The following COMTD1 variants were observed in gnomAD, a reference collection of about 807,000 sequenced individuals.
The protein encoded by COMTD1 is catechol O-methyltransferase domain-containing protein 1.
In COMTD1, 35 loss-of-function variants were observed where a neutral mutation model predicts 33.6. The observed-to-expected ratio is 1.04, with a 90% CI of 0.80 to 1.38. The LOEUF (loss-of-function observed/expected upper bound fraction) is 1.38. COMTD1 is among the 40% of genes most tolerant of loss of function. The pLI, the probability that COMTD1 is intolerant of heterozygous loss-of-function variation, is 0.00. For missense variants in COMTD1, 370 were observed against 363.4 expected (o/e 1.02, Z -0.15); for synonymous variants, 160 against 176.8 (o/e 0.91, Z 0.75).
chr10:75,235,797 G>GGCCCCCCCCC, intron 1 of COMTD1, 38 bp downstream of exon 1: 1 of 1,538,662 alleles, frequency 6.5e-7, no homozygotes, highest in Non-Finnish European at 8.8e-7. Context: ...CCTACTCTGC[G>GGCCCCCCCCC]CCCGCCCACC....
In COMTD1 at chr10:75,235,729, G is replaced by T; in HGVS notation, c.109C>A (p.Pro37Thr). ...CACTGCTCTCGCCGGCCTCGCCATGGGGGGCACCGCCTCCCTGACGGGGAG... is the reference window on the plus strand; with the variant it reads ...CACTGCTCTCGCCGGCCTCGCCATGTGGGGCACCGCCTCCCTGACGGGGAG... ...TGLFLGRRCP[P>T]WRGRREQCLL... Residue 37 changes from proline (P) to threonine (T), a missense_variant, in exon 2 of 7, where the codon CCA becomes ACA. Coordinates refer to ENST00000372538, the MANE Select transcript of COMTD1 (RefSeq NM_144589.4). 6.2e-7 allele frequency: 1 copy of T among 1,602,010 alleles called. No homozygotes were observed. The highest frequency in any genetic ancestry group is 1.1e-5 in the South Asian group (1 of 89,280).
At chr10:75,235,796 C>T (rs748047355) in intron 1 of COMTD1, 39 bp downstream of exon 1, 2 of 1,539,882 alleles carry the variant, frequency 1.3e-6, no homozygotes, top group South Asian at 1.2e-5. Context: ...CCCTACTCTG[C>T]GCCCGCCCAC....
At chr10:75,234,275 G>C (rs759945347) in intron 6 of COMTD1, 50 bp from the exon 7 acceptor site, 1 of 1,564,534 alleles carries the variant, frequency 6.4e-7, no homozygotes, top group Non-Finnish European at 8.6e-7. Flanking sequence ...GCTTCGGAGG[G>C]AGGTGCTCGG....
At position 75,235,061 on chromosome 10, in the gene COMTD1, T is replaced by C; in HGVS notation, c.446A>G (p.Gln149Arg). The C allele has an allele frequency of 6.9e-7, 1 of 1,440,148 alleles. No individual in the cohort carries two copies. The allele number at this position is 1,440,148 out of a possible 1,614,324, so 89.2% of individuals were successfully genotyped here. ...PPELGRPLWR[Q>R]AEAEHKIDLR... ...GCAGAGCTAGGCGCGGGCGCTCACC[T>C]GCCTCCACAGGGGCCGTCCCAGCTC... The change falls in exon 4 of 7, where the codon CAG becomes CGG. Residue 149 changes from glutamine (Q) to arginine (R), a missense_variant and splice_region_variant. Gln to Arg is a conservative substitution (Grantham distance 43, BLOSUM62 1). Coordinates refer to ENST00000372538, the MANE Select transcript of COMTD1 (RefSeq NM_144589.4).
intron 2 of COMTD1, 105 bp downstream of exon 2, chr10:75,235,511 A>G: frequency 7.2e-7 from 1 of 1,393,860 alleles, no homozygotes; most frequent in South Asian, 1.5e-5. Flanking sequence ...GGCCCAGGGA[A>G]GCCGGAAGCC....
In COMTD1 at chr10:75,234,165, GCA is replaced by G; in HGVS notation, c.695_696del (p.Val232AlafsTer68). 6.2e-7 allele frequency: 1 copy of G among 1,613,608 alleles called. No homozygotes were observed. Among genetic ancestry groups the G allele is most frequent in the Non-Finnish European group, 8.5e-7 (1 of 1,180,028 alleles). On this transcript the variant is annotated frameshift_variant, in exon 7 of 7. Coordinates refer to ENST00000372538, the MANE Select transcript of COMTD1 (RefSeq NM_144589.4). LOFTEE classifies it high-confidence loss of function. ...CGCCGGATGCGTTCGTTTAGGTTTC[GCA>G]CACACTCGGCCGCCACGTCCCCTTT... ...PPKGDVAAEC[V>X]RNLNERIRRD... is the part of the protein sequence containing the mutation.
rs1340928553 is a variant in COMTD1, at chr10:75,235,093, C to T, written c.414G>A (p.Gln138=). 1.4e-6 allele frequency: 2 copies of T among 1,409,296 alleles called. No homozygotes were observed. The highest frequency in any genetic ancestry group is 5.8e-5 in the East Asian group (2 of 34,570). The allele number at this position is 1,409,296 out of a possible 1,614,324, so 87.3% of individuals were successfully genotyped here. A position where few individuals can be genotyped will look rare whatever the true frequency, so the allele number is the denominator to read the frequency against. The part of the protein sequence containing the change: ...GRVVTCEVDA[Q]PPELGRPLWR... ...ACAGGGGCCGTCCCAGCTCCGGGGG[C>T]TGCGCGTCCACCTCGCAGGTCACCA... Residue 138 remains glutamine, a synonymous_variant, in exon 4 of 7, where the codon CAG becomes CAA. Transcript: ENST00000372538.
chr10:75,235,850 T>A lies in COMTD1; in HGVS notation c.79A>T (p.Thr27Ser). The change falls in exon 1 of 7, where the codon ACT (threonine) becomes TCT (serine). Residue 27 changes from threonine (T) to serine (S), a missense_variant. Physicochemically the swap from Thr to Ser is moderately conservative, Grantham distance 58 (BLOSUM62 1). Coordinates refer to ENST00000372538, the MANE Select transcript of COMTD1 (RefSeq NM_144589.4). ...TCCTGCTCACCCAGGAAGAGGCCAGTGGCGAAGGCGGCGCCCAGTGCGGCT... is the reference window on the plus strand; with the variant it reads ...TCCTGCTCACCCAGGAAGAGGCCAGAGGCGAAGGCGGCGCCCAGTGCGGCT... Reference protein sequence around the residue: ...GSAALGAAFATGLFLGRRCPP... With the variant: ...GSAALGAAFASGLFLGRRCPP... The A allele has an allele frequency of 2.0e-6, 3 of 1,510,278 alleles. No homozygotes were observed. The highest frequency in any genetic ancestry group is 2.6e-6 in the Non-Finnish European group (3 of 1,132,604). The allele number at this position is 1,510,278 out of a possible 1,614,324, so 93.6% of individuals were successfully genotyped here. A position where few individuals can be genotyped will look rare whatever the true frequency, so the allele number is the denominator to read the frequency against.
rs776528379 is a variant in COMTD1, at chr10:75,234,196, A to T, written c.666T>A (p.Pro222=). The change falls in exon 7 of 7, where the codon CCT becomes CCA. Residue 222 remains proline (P), a synonymous_variant. Coordinates refer to ENST00000372538, the MANE Select transcript of COMTD1 (RefSeq NM_144589.4). Reference sequence around the variant, plus strand: ...ACTCGGCCGCCACGTCCCCTTTCGGAGGTTGCAGCACCTTCCCGCGCCACA... The same window carrying T: ...ACTCGGCCGCCACGTCCCCTTTCGGTGGTTGCAGCACCTTCCCGCGCCACA... ...RVLWRGKVLQ[P]PKGDVAAECV... 6.2e-7 allele frequency: 1 copy of T among 1,612,866 alleles called. No homozygotes were observed. Among genetic ancestry groups the T allele is most frequent in the Non-Finnish European group, 8.5e-7 (1 of 1,179,944 alleles).
intron 5 of COMTD1, 48 bp downstream of exon 5, chr10:75,234,890 C>A (rs1842167458): frequency 2.6e-6 from 4 of 1,535,782 alleles, no homozygotes; most frequent in Non-Finnish European, 3.5e-6. Flanking sequence ...ACACAGCAGC[C>A]TCGTTTGCAA....
chr10:75,235,810 C>G (rs373096960), intron 1 of COMTD1, 25 bp downstream of exon 1: 2 of 1,539,504 alleles, frequency 1.3e-6, no homozygotes, highest in Admixed American at 3.9e-5. Context: ...CGCCCACCCG[C>G]CCGCCGGGAC....
chr10:75,234,020 T>C lies in COMTD1; in HGVS notation c.*53A>G. 1 of 1,613,130 alleles carries C rather than the reference T, an allele frequency of 6.2e-7. No individual in the cohort carries two copies. Among genetic ancestry groups the C allele is most frequent in the Admixed American group, 1.7e-5 (1 of 60,010 alleles). On this transcript the variant is annotated 3_prime_UTR_variant, in exon 7 of 7. Coordinates refer to ENST00000372538, the MANE Select transcript of COMTD1 (RefSeq NM_144589.4). ...TTTCGAATTTAAAACTCAGGGTCAATTCCTGGGGTTCCCAGGCAACCCTCC... is the reference window on the plus strand; with the variant it reads ...TTTCGAATTTAAAACTCAGGGTCAACTCCTGGGGTTCCCAGGCAACCCTCC...
At position 75,235,598 on chromosome 10, in the gene COMTD1, G is replaced by A. The variant is rs192698632; in HGVS notation, c.222+18C>T. The A allele has an allele frequency of 2.7e-5, 42 of 1,571,222 alleles. No homozygotes were observed. The East Asian group carries it at 8.4e-4, about 31-fold the overall frequency. ...GGGGTCGAGAGGGACGCCCGTTTCCGTCCCGCGCCCTGCTGACCAGCCTCA... is the reference window on the plus strand; with the variant it reads ...GGGGTCGAGAGGGACGCCCGTTTCCATCCCGCGCCCTGCTGACCAGCCTCA... On this transcript the variant is annotated intron_variant, in intron 2 of 6. Transcript: ENST00000372538.
Position 75,235,687 on chromosome 10 carries a change from C to T in COMTD1, c.151G>A (p.Asp51Asn). Residue 51 changes from aspartate (D) to asparagine (N), a missense_variant, in exon 2 of 7, where the codon GAC becomes AAC. By Grantham distance (23) the Asp-to-Asn change is conservative (BLOSUM62 1). Transcript: ENST00000372538. Reference protein sequence around the residue: ...RREQCLLPPEDSRLWQYLLSR... With the variant: ...RREQCLLPPENSRLWQYLLSR... Reference sequence around the variant, plus strand: ...AGAAGATACTGCCACAGGCGGCTGTCCTCGGGGGGAAGCAGGCACTGCTCT... The same window carrying T: ...AGAAGATACTGCCACAGGCGGCTGTTCTCGGGGGGAAGCAGGCACTGCTCT... 1 of 1,597,472 alleles carries T rather than the reference C, an allele frequency of 6.3e-7. No individual in the cohort carries two copies. The highest frequency in any genetic ancestry group is 1.1e-5 in the South Asian group (1 of 88,594).
In COMTD1 at chr10:75,234,130, C is replaced by T; in HGVS notation, c.732G>A (p.Arg244=). 1 of 1,613,852 alleles carries T rather than the reference C, an allele frequency of 6.2e-7. No individual in the cohort carries two copies. Among genetic ancestry groups the T allele is most frequent in the South Asian group, 1.1e-5 (1 of 91,084 alleles). ...CCAGGGGCAGGAGGCTGATGTAGACCCTGACGTCCCGCCGGATGCGTTCGT... is the reference window on the plus strand; with the variant it reads ...CCAGGGGCAGGAGGCTGATGTAGACTCTGACGTCCCGCCGGATGCGTTCGT... The part of the protein sequence containing the change: ...NLNERIRRDV[R]VYISLLPLGD... Residue 244 remains arginine (R), a synonymous_variant, in exon 7 of 7, where the codon AGG becomes AGA. Coordinates refer to ENST00000372538, the MANE Select transcript of COMTD1 (RefSeq NM_144589.4).
rs568948463 is a variant in COMTD1 at position 75,234,118 on chromosome 10, G to A, written c.744C>T (p.Ser248=). The change falls in exon 7 of 7, where the codon AGC becomes AGT. Residue 248 remains serine (S), a synonymous_variant. Transcript: ENST00000372538. ...TGAGTCCATCGCCCAGGGGCAGGAG[G>A]CTGATGTAGACCCTGACGTCCCGCC... ...RIRRDVRVYI[S]LLPLGDGLTL... is the part of the protein sequence containing the mutation. 6.1e-5 allele frequency: 98 copies of A among 1,613,960 alleles called. No homozygotes were observed. In the South Asian group the frequency reaches 1.0e-3, roughly 17 times the overall value.
intron 4 of COMTD1, 33 bp from the exon 5 acceptor site, chr10:75,235,025 C>A: frequency 1.3e-6 from 2 of 1,487,140 alleles, no homozygotes; most frequent in Non-Finnish European, 1.8e-6. Flanking sequence ...GTTGCGCCCC[C>A]GCCTGGGGCT....
rs1564719922 is a variant in COMTD1 at position 75,234,731 on chromosome 10, G to GC, written c.514dup (p.Ala172GlyfsTer129). The stretch of plus-strand genomic sequence containing the variant: ...GTCGAAGGTGCCGGCCTCGCCCGCC[G>GC]CCAGCAGCTCGTCTTGCGGGGGGAG... On this transcript the variant is annotated frameshift_variant, in exon 6 of 7. Transcript: ENST00000372538. LOFTEE classifies it high-confidence loss of function. 1.3e-6 allele frequency: 2 copies of GC among 1,589,152 alleles called. No individual in the cohort carries two copies.
At position 75,235,752 on chromosome 10, in the gene COMTD1, G is replaced by C. The variant is rs1452450285; in HGVS notation, c.95-9C>G. 1 of 1,596,334 alleles carries C rather than the reference G, an allele frequency of 6.3e-7. No individual in the cohort carries two copies. The highest frequency in any genetic ancestry group is 8.5e-7 in the Non-Finnish European group (1 of 1,173,212). ...TGGGGGGCACCGCCTCCCTGACGGG[G>C]AGAGGGTGTTGGATTAACCTGAGCC... On this transcript the variant is annotated splice_polypyrimidine_tract_variant and intron_variant, in intron 1 of 6. Transcript: ENST00000372538.
Sources: allele counts gnomAD v4.1 joint callset, GRCh38; gene constraint gnomAD v4.1.1; transcripts MANE v1.5; gene names NCBI Gene and HGNC (gene_info 2026-07-23, HGNC 2026-07-21).